ANKRD6: variants seen among roughly 807,000 people sequenced by gnomAD.
ANKRD6 encodes ankyrin repeat domain 6.
A neutral mutation model predicts 82.3 loss-of-function variants in ANKRD6; 56 were observed. The observed-to-expected ratio is 0.68, with a 90% CI of 0.55 to 0.85. The LOEUF (loss-of-function observed/expected upper bound fraction) is 0.85, where lower values mean the gene tolerates loss of function less well. Ranked by LOEUF, ANKRD6 falls within the 40% of genes least tolerant of loss-of-function variation. ANKRD6 has a pLI of 0.00. For synonymous variants in ANKRD6, 347 were observed against 352.1 expected (o/e 0.99, Z 0.16); for missense variants, 852 against 907.6 (o/e 0.94, Z 0.79).
intron 1 of ANKRD6, among the ~76,000 whole-genome samples, chr6:89,516,799 A>G (rs921619548): frequency 2.6e-5 from 4 of 152,140 alleles, no homozygotes; most frequent in East Asian, 1.9e-4. Flanking sequence ...TTCAATATCC[A>G]TATCTATCTG....
chr6:89,511,394 C>A (rs1780531109), intron 1 of ANKRD6, among the ~76,000 whole-genome samples: 1 of 152,190 alleles, frequency 6.6e-6, no homozygotes, highest in South Asian at 2.1e-4. Context: ...TACCTGCAGA[C>A]CCAAGTCTGG....
At chr6:89,452,973 T>C (rs1358272410) in intron 1 of ANKRD6, among the ~76,000 whole-genome samples, 1 of 152,200 alleles carries the variant, frequency 6.6e-6, no homozygotes, top group Non-Finnish European at 1.5e-5. Context: ...CATGAACTAG[T>C]CTGCGGCTCC....
intron 1 of ANKRD6, among the ~76,000 whole-genome samples, chr6:89,544,832 G>A (rs138005873): frequency 2.4e-3 from 361 of 152,256 alleles, no homozygotes; most frequent in African/African-American, 8.2e-3. Flanking sequence ...ATTTGAGGAC[G>A]GGAAGCATCA....
intron 1 of ANKRD6, among the ~76,000 whole-genome samples, chr6:89,476,548 A>G (rs979431101): frequency 6.6e-6 from 1 of 152,150 alleles, no homozygotes; most frequent in African/African-American, 2.4e-5. Context: ...ATCTTTCATC[A>G]TGGCTATTTA....
At chr6:89,497,946 A>G (rs543242037) in intron 1 of ANKRD6, among the ~76,000 whole-genome samples, 16 of 152,188 alleles carry the variant, frequency 1.1e-4, no homozygotes, top group Middle Eastern at 6.3e-3. Flanking sequence ...TTTTCTAGAC[A>G]TTACATATAA....
intron 1 of ANKRD6, among the ~76,000 whole-genome samples, chr6:89,542,724 C>T (rs1784585015): frequency 6.6e-6 from 1 of 152,318 alleles, no homozygotes; most frequent in Non-Finnish European, 1.5e-5. Flanking sequence ...AACCTCAAGA[C>T]TTTTGTCTCA....
chr6:89,622,914 T>C (rs974941425), intron 10 of ANKRD6, among the ~76,000 whole-genome samples: 3 of 151,644 alleles, frequency 2.0e-5, no homozygotes, highest in African/African-American at 4.8e-5. Context: ...ATTGTACATA[T>C]TCAGTTGTGA....
chr6:89,510,234 T>G (rs1247736265), intron 1 of ANKRD6, among the ~76,000 whole-genome samples: 2 of 152,222 alleles, frequency 1.3e-5, no homozygotes, highest in Non-Finnish European at 2.9e-5. Flanking sequence ...AAAATCAACT[T>G]ATGTTATTTA....
chr6:89,485,200 A>G (rs931140069), intron 1 of ANKRD6, among the ~76,000 whole-genome samples: 1 of 152,200 alleles, frequency 6.6e-6, no homozygotes, highest in African/African-American at 2.4e-5. Context: ...GTTACTGTCA[A>G]GTTCATAAGT....
At chr6:89,614,178 T>C (rs186627211) in intron 7 of ANKRD6, among the ~76,000 whole-genome samples, 1 of 152,294 alleles carries the variant, frequency 6.6e-6, no homozygotes, top group East Asian at 1.9e-4. Context: ...TAAATGTGAT[T>C]TTAAAAAGAA....
intron 13 of ANKRD6, among the ~76,000 whole-genome samples, chr6:89,626,874 G>C (rs1805858052): frequency 6.6e-6 from 1 of 152,200 alleles, no homozygotes; most frequent in South Asian, 2.1e-4. Flanking sequence ...ACGTACTTTA[G>C]CTACTTCCAA....
chr6:89,596,349 A>G (rs1562969869), intron 3 of ANKRD6, among the ~76,000 whole-genome samples: 2 of 152,220 alleles, frequency 1.3e-5, no homozygotes, highest in Admixed American at 6.5e-5. Context: ...AGACACACAC[A>G]TGCACATTAG....
intron 2 of ANKRD6, among the ~76,000 whole-genome samples, chr6:89,591,704 T>A (rs1468949903): frequency 6.6e-6 from 1 of 152,248 alleles, no homozygotes. Flanking sequence ...AGTACATGTC[T>A]GCTGCTTTCT....
At chr6:89,540,655 G>C (rs1214217076) in intron 1 of ANKRD6, among the ~76,000 whole-genome samples, 2 of 152,094 alleles carry the variant, frequency 1.3e-5, no homozygotes, top group East Asian at 3.8e-4. Flanking sequence ...CCATTTCTTT[G>C]TGTTAGTTGC....
intron 2 of ANKRD6, among the ~76,000 whole-genome samples, chr6:89,586,911 G>A (rs865843906): frequency 3.3e-5 from 5 of 152,090 alleles, no homozygotes; most frequent in Admixed American, 1.3e-4. Flanking sequence ...ATTCTTGGCC[G>A]GGCACAGTGG....
chr6:89,479,805 A>G lies in ANKRD6; in HGVS notation c.-144+46430A>G, dbSNP rs548269125. Among the ~76,000 whole-genome samples, 54 of 152,136 alleles carry G rather than the reference A, an allele frequency of 3.5e-4. No homozygotes were observed. In the South Asian group the frequency reaches 0.011, roughly 31 times the overall value. ...GAATTGTTTCTTTAGTGATTGAATCATAGAAATAGAATTACAGTATGAAAA... is the reference window on the plus strand; with the variant it reads ...GAATTGTTTCTTTAGTGATTGAATCGTAGAAATAGAATTACAGTATGAAAA... On this transcript the variant is annotated intron_variant, in intron 1 of 15. Transcript: ENST00000339746.
chr6:89,588,194 A>G (rs1268302221), intron 2 of ANKRD6, among the ~76,000 whole-genome samples: 1 of 145,378 alleles, frequency 6.9e-6, no homozygotes, highest in Non-Finnish European at 1.5e-5. Context: ...CAGTTCTTGC[A>G]GTTCTGCCAG....
intron 10 of ANKRD6, 92 bp from the exon 11 acceptor site, chr6:89,623,318 C>T (rs941741007): frequency 1.4e-6 from 2 of 1,468,704 alleles, no homozygotes; most frequent in Non-Finnish European, 1.8e-6. Flanking sequence ...GGTCCCTTAC[C>T]ATATGGAATC....
At chr6:89,498,829 TAATG>T (rs774845594) in intron 1 of ANKRD6, among the ~76,000 whole-genome samples, 10 of 152,218 alleles carry the variant, frequency 6.6e-5, no homozygotes, top group Non-Finnish European at 1.2e-4. Context: ...GACCATTCAT[TAATG>T]TTTTCATAAT....
Sources: gnomAD v4.1 joint callset for allele counts (sites outside exome capture counted in the v4.1 genomes callset) on GRCh38, gnomAD v4.1.1 for gene constraint, MANE v1.5 for transcripts, NCBI Gene and HGNC (gene_info 2026-07-23, HGNC 2026-07-21) for gene names.